Variants in RUNX1 observed in about 807,000 individuals in gnomAD.
The protein encoded by RUNX1 is runt-related transcription factor 1.
RUNX1 carries 19 observed loss-of-function variants against 42.8 expected under a neutral mutation model. The observed-to-expected ratio is 0.44, with a 90% CI of 0.31 to 0.65. The LOEUF (loss-of-function observed/expected upper bound fraction) is 0.65, where lower values mean the gene tolerates loss of function less well. Ranked by LOEUF, RUNX1 falls within the 30% of genes least tolerant of loss-of-function variation. The pLI is 0.07. For missense variants in RUNX1, 528 were observed against 672.0 expected (o/e 0.79, Z 2.37); for synonymous variants, 271 against 289.4 (o/e 0.94, Z 0.64).
intron 2 of RUNX1, among the ~76,000 whole-genome samples, chr21:34,973,467 A>G (rs2058777410): frequency 6.6e-6 from 1 of 152,188 alleles, no homozygotes; most frequent in Non-Finnish European, 1.5e-5. Context: ...GAATTTTATG[A>G]TACTATACAT....
intron 7 of RUNX1, among the ~76,000 whole-genome samples, chr21:34,828,906 T>C (rs976479857): frequency 6.6e-6 from 1 of 152,210 alleles, no homozygotes; most frequent in South Asian, 2.1e-4. Flanking sequence ...CAGTCTATAA[T>C]ATATAAGACT....
At chr21:34,834,278 G>T in intron 7 of RUNX1, 132 bp downstream of exon 7, 1 of 922,518 alleles carries the variant, frequency 1.1e-6, no homozygotes, top group Non-Finnish European at 1.8e-6. Flanking sequence ...TGGTGCTGTT[G>T]GTTCGAGGCC....
At chr21:34,928,111 T>C (rs987300725) in intron 2 of RUNX1, among the ~76,000 whole-genome samples, 1 of 152,216 alleles carries the variant, frequency 6.6e-6, no homozygotes, top group African/African-American at 2.4e-5. Flanking sequence ...TATGTGATAA[T>C]TTAAATTTAA....
At position 34,790,656 on chromosome 21, in the gene RUNX1, G is replaced by A. The variant is rs1461351317; in HGVS notation, c.*1479C>T. On this transcript the variant is annotated 3_prime_UTR_variant, in exon 9 of 9. Coordinates refer to ENST00000675419, the MANE Select transcript of RUNX1 (RefSeq NM_001754.5). ...ACCCCATAGGGTAGGGTCTCAGCCT[G>A]GTGAAAGCAACACAAAGATGTTGTT... 1.3e-5 allele frequency: 3 copies of A among 233,186 alleles called. No individual in the cohort carries two copies. The highest frequency in any genetic ancestry group is 6.0e-5 in the East Asian group (1 of 16,610). The allele number at this position is 233,186 out of a possible 1,614,324, so 14.4% of individuals were successfully genotyped here. A position where few individuals can be genotyped will look rare whatever the true frequency, so the allele number is the denominator to read the frequency against.
chr21:34,805,768 A>T (rs1296270845), intron 7 of RUNX1, among the ~76,000 whole-genome samples: 2 of 152,244 alleles, frequency 1.3e-5, no homozygotes, highest in Admixed American at 1.3e-4. Context: ...ATATTAAGGT[A>T]AAATTAAGTT....
chr21:34,819,912 C>T (rs1463633747), intron 7 of RUNX1, among the ~76,000 whole-genome samples: 8 of 152,372 alleles, frequency 5.3e-5, no homozygotes, highest in Admixed American at 3.3e-4. Flanking sequence ...CTTAAAGGGC[C>T]GGGCTTGTGG....
intron 6 of RUNX1, among the ~76,000 whole-genome samples, chr21:34,857,656 C>T (rs970074785): frequency 2.6e-4 from 40 of 152,160 alleles, no homozygotes; most frequent in African/African-American, 7.5e-4. Flanking sequence ...CCCTCAAAGT[C>T]GATTTTCTTA....
chr21:34,825,015 A>T (rs1036173861), intron 7 of RUNX1, among the ~76,000 whole-genome samples: 1 of 152,248 alleles, frequency 6.6e-6, no homozygotes. Flanking sequence ...TCATGACTAC[A>T]GTAAAAGTTT....
chr21:34,802,904 T>A (rs1188307578), intron 7 of RUNX1, among the ~76,000 whole-genome samples: 1 of 152,164 alleles, frequency 6.6e-6, no homozygotes, highest in Non-Finnish European at 1.5e-5. Context: ...TAGGAGTAAG[T>A]GAGATAAACT....
At chr21:34,830,981 A>G (rs1489564595) in intron 7 of RUNX1, among the ~76,000 whole-genome samples, 1 of 152,184 alleles carries the variant, frequency 6.6e-6, no homozygotes, top group East Asian at 1.9e-4. Context: ...GTGATACATC[A>G]TATTTGGTCA....
Position 34,788,478 on chromosome 21 carries a change from TAAAC to T in RUNX1, c.*3653_*3656del, listed in dbSNP as rs972583993. ...AAGTAGCTCATTTTAAAGTCTAAAA[TAAAC>T]AAAGTAGAAAGAAGCATTTTTTTCC... On this transcript the variant is annotated 3_prime_UTR_variant, in exon 9 of 9. Transcript: ENST00000675419. 1.1e-4 allele frequency: 25 copies of T among 232,978 alleles called. No homozygotes were observed. The East Asian group carries it at 1.2e-3, about 11-fold the overall frequency. 14.4% of individuals were successfully genotyped at this position (232,978 alleles called of 1,614,324 possible). A position where few individuals can be genotyped will look rare whatever the true frequency, so the allele number is the denominator to read the frequency against.
intron 6 of RUNX1, among the ~76,000 whole-genome samples, chr21:34,846,194 CTTTTTTTTTT>C (rs5843687): frequency 3.9e-5 from 4 of 102,240 alleles, no homozygotes; most frequent in South Asian, 3.8e-4. Flanking sequence ...TTAAGGATGT[CTTTTTTTTTT>C]TTTTTTTTTT....
chr21:34,834,652 G>A, intron 6 of RUNX1, 51 bp from the exon 7 acceptor site: 1 of 1,436,204 alleles, frequency 7.0e-7, no homozygotes, highest in Non-Finnish European at 9.7e-7. Flanking sequence ...AAGGAGGGAG[G>A]GAAGAGATCA....
At chr21:34,903,538 C>T (rs930379652) in intron 2 of RUNX1, among the ~76,000 whole-genome samples, 1 of 152,106 alleles carries the variant, frequency 6.6e-6, no homozygotes, top group African/African-American at 2.4e-5. Flanking sequence ...TGCCGAATCA[C>T]CTATTTGTTT....
At chr21:34,920,319 T>C (rs1601571037) in intron 2 of RUNX1, among the ~76,000 whole-genome samples, 3 of 152,184 alleles carry the variant, frequency 2.0e-5, no homozygotes, top group African/African-American at 7.2e-5. Flanking sequence ...TGGCAAATTA[T>C]GGCCATTATT....
intron 2 of RUNX1, among the ~76,000 whole-genome samples, chr21:34,993,704 C>G (rs1432711212): frequency 7.2e-6 from 1 of 139,150 alleles, no homozygotes; most frequent in African/African-American, 3.2e-5. Flanking sequence ...CGCACACACA[C>G]ACAGACACAC....
intron 2 of RUNX1, among the ~76,000 whole-genome samples, chr21:34,949,053 C>T (rs900421020): frequency 4.6e-5 from 7 of 151,862 alleles, no homozygotes; most frequent in Non-Finnish European, 4.4e-5. Context: ...TGTGCCCGGC[C>T]GGGATGTGCA....
At chr21:34,990,940 A>G (rs1288157526) in intron 2 of RUNX1, among the ~76,000 whole-genome samples, 2 of 152,194 alleles carry the variant, frequency 1.3e-5, no homozygotes, top group Admixed American at 1.3e-4. Flanking sequence ...ACAAATGCTC[A>G]GTAACTTTTT....
In RUNX1 at chr21:34,934,147, T is replaced by C. The variant is rs199671530; in HGVS notation, c.59-41184A>G. Among the ~76,000 whole-genome samples the C allele has an allele frequency of 6.3e-3, 957 of 152,332 alleles. 8 individuals are homozygous for C. The highest frequency in any genetic ancestry group is 0.031 in the South Asian group (148 of 4,832). ...TGAGAGAGCAAAGGCTTAGCTAAGT[T>C]TCTCATGAGCTGTGACTAGCTCTGT... On this transcript the variant is annotated intron_variant, in intron 2 of 8. Transcript: ENST00000675419.
Sources: allele counts gnomAD v4.1 joint callset (sites outside exome capture counted in the v4.1 genomes callset), GRCh38; gene constraint gnomAD v4.1.1; transcripts MANE v1.5; gene names NCBI Gene and HGNC (gene_info 2026-07-23, HGNC 2026-07-21).